CLIP1: variants seen among roughly 807,000 people sequenced by gnomAD.
CLIP1 encodes CAP-Gly domain containing linker protein 1.
CLIP1 carries 66 observed loss-of-function variants against 161.6 expected under a neutral mutation model. The observed-to-expected ratio is 0.41, with a 90% CI of 0.33 to 0.50. CLIP1 has a LOEUF of 0.50. Among genes scored for constraint, CLIP1 ranks in the 20% least tolerant of loss-of-function variants. The probability of loss-of-function intolerance (pLI) is 0.27; values close to 1 mark genes in which losing one functional copy is unlikely to be tolerated. For synonymous variants in CLIP1, 598 were observed against 626.2 expected (o/e 0.96, Z 0.67); for missense variants, 1,376 against 1,702.0 (o/e 0.81, Z 3.37).
intron 17 of CLIP1, among the ~76,000 whole-genome samples, chr12:122,320,607 C>A (rs1189433788): frequency 1.3e-5 from 2 of 151,780 alleles, no homozygotes; most frequent in African/African-American, 2.4e-5. Flanking sequence ...ACCTGTAGTC[C>A]CAGCTACTCA....
chr12:122,368,461 T>A (rs1954274326), intron 3 of CLIP1, among the ~76,000 whole-genome samples: 1 of 152,050 alleles, frequency 6.6e-6, no homozygotes, highest in Non-Finnish European at 1.5e-5. Flanking sequence ...AACAATCCTC[T>A]CTGGACTCTC....
rs766860760 is a variant in CLIP1 at position 122,328,417 on chromosome 12, T to C, written c.2877A>G (p.Glu959=). The C allele has an allele frequency of 3.2e-5, 50 of 1,580,072 alleles. No individual in the cohort carries two copies. Among genetic ancestry groups the C allele is most frequent in the Non-Finnish European group, 4.0e-5 (47 of 1,166,946 alleles). ...CCTTTGTAAGTTTTAGCTGTAATTC[T>C]TCTACATCTCTAGAAAAAGTTTCAA... The part of the protein sequence containing the change: ...DELRLKERDV[E]ELQLKLTKAN... The change falls in exon 16 of 26, where the codon GAA becomes GAG. Residue 959 remains glutamate, a synonymous_variant. Transcript: ENST00000620786.
chr12:122,420,627 C>A (rs1193231697), intron 1 of CLIP1, among the ~76,000 whole-genome samples: 2 of 152,060 alleles, frequency 1.3e-5, no homozygotes, highest in African/African-American at 4.8e-5. Context: ...CCCACTTCAA[C>A]TTTGCTTTAA....
At chr12:122,281,493 C>T (rs1592964842) in intron 21 of CLIP1, among the ~76,000 whole-genome samples, 1 of 151,890 alleles carries the variant, frequency 6.6e-6, no homozygotes, top group Admixed American at 6.6e-5. Context: ...TCGAGACCAG[C>T]CTGGTTGACA....
intron 24 of CLIP1, 23 bp from the exon 25 acceptor site, chr12:122,274,185 T>C: frequency 1.3e-6 from 2 of 1,554,420 alleles, no homozygotes; most frequent in Non-Finnish European, 1.8e-6. Context: ...AAAAAAAATG[T>C]GTAAAATGTC....
At chr12:122,303,857 C>G (rs192426187) in intron 20 of CLIP1, among the ~76,000 whole-genome samples, 1 of 152,152 alleles carries the variant, frequency 6.6e-6, no homozygotes, top group African/African-American at 2.4e-5. Flanking sequence ...TGTCCTCCCC[C>G]TGATTCCATC....
chr12:122,340,427 G>A (rs1952447377), intron 11 of CLIP1, among the ~76,000 whole-genome samples: 1 of 152,166 alleles, frequency 6.6e-6, no homozygotes, highest in Non-Finnish European at 1.5e-5. Context: ...CATAGTGTTA[G>A]GGCATTCTTT....
intron 15 of CLIP1, among the ~76,000 whole-genome samples, chr12:122,329,073 T>C (rs894154690): frequency 6.6e-6 from 1 of 152,188 alleles, no homozygotes; most frequent in Non-Finnish European, 1.5e-5. Flanking sequence ...CTTATGCCTA[T>C]GATCCCAGCA....
At chr12:122,386,152 G>T (rs1460681317) in intron 1 of CLIP1, among the ~76,000 whole-genome samples, 1 of 152,128 alleles carries the variant, frequency 6.6e-6, no homozygotes, top group Non-Finnish European at 1.5e-5. Flanking sequence ...CGGATGTGGT[G>T]TTGCACGCCT....
intron 3 of CLIP1, among the ~76,000 whole-genome samples, chr12:122,375,808 CTTTT>C (rs10715025): frequency 1.7e-4 from 21 of 120,092 alleles, no homozygotes; most frequent in African/African-American, 3.1e-4. Flanking sequence ...TAAAGTTACT[CTTTT>C]TTTTTTTTTT....
chr12:122,292,176 T>C (rs1950274056), intron 20 of CLIP1, among the ~76,000 whole-genome samples: 1 of 151,772 alleles, frequency 6.6e-6, no homozygotes, highest in Non-Finnish European at 1.5e-5. Context: ...TATTTTTTTT[T>C]TTTTTTAGTA....
chr12:122,341,734 A>G, intron 10 of CLIP1, 37 bp from the exon 11 acceptor site: 1 of 906,184 alleles, frequency 1.1e-6, no homozygotes. Context: ...AGATCATTTA[A>G]ATAACAAGTC....
At chr12:122,347,766 ATAAG>A (rs1006292531) in intron 9 of CLIP1, among the ~76,000 whole-genome samples, 3 of 152,214 alleles carry the variant, frequency 2.0e-5, no homozygotes, top group Admixed American at 2.0e-4. Flanking sequence ...GCAGCCAAAT[ATAAG>A]TAATATTGAT....
intron 1 of CLIP1, among the ~76,000 whole-genome samples, chr12:122,390,748 GA>G (rs1955620200): frequency 6.8e-6 from 1 of 146,382 alleles, no homozygotes; most frequent in South Asian, 2.2e-4. Context: ...TTCAAGTCAA[GA>G]ACCATTTGTA....
At chr12:122,315,234 A>T (rs1365009492) in intron 19 of CLIP1, among the ~76,000 whole-genome samples, 1 of 152,188 alleles carries the variant, frequency 6.6e-6, no homozygotes, top group Non-Finnish European at 1.5e-5. Context: ...ATGTATTAGG[A>T]TTGGAAATAA....
chr12:122,327,757 C>G (rs1951762802), intron 17 of CLIP1, among the ~76,000 whole-genome samples, 190 bp downstream of exon 17: 1 of 152,072 alleles, frequency 6.6e-6, no homozygotes, highest in Non-Finnish European at 1.5e-5. Context: ...CGAGAAGGAA[C>G]AGCAGCTGGC....
At chr12:122,320,680 C>T (rs1269281349) in intron 17 of CLIP1, among the ~76,000 whole-genome samples, 1 of 151,508 alleles carries the variant, frequency 6.6e-6, no homozygotes, top group Non-Finnish European at 1.5e-5. Context: ...GCCAAGGTCA[C>T]ACCACTGTAC....
At chr12:122,363,853 G>C in intron 4 of CLIP1, 130 bp downstream of exon 4, 1 of 1,246,818 alleles carries the variant, frequency 8.0e-7, no homozygotes, top group Non-Finnish European at 1.1e-6. Context: ...ATTAGCAGAT[G>C]GGTCTTAGGA....
intron 10 of CLIP1, chr12:122,344,041 G>T (rs1952632610): frequency 6.6e-6 from 1 of 152,230 alleles, no homozygotes; most frequent in South Asian, 2.0e-4. Flanking sequence ...AACACAGCGA[G>T]AACTCCATCT....
Sources: gnomAD v4.1 joint callset for allele counts (sites outside exome capture counted in the v4.1 genomes callset) on GRCh38, gnomAD v4.1.1 for gene constraint, MANE v1.5 for transcripts, NCBI Gene and HGNC (gene_info 2026-07-23, HGNC 2026-07-21) for gene names.